KLHL24: variants seen among roughly 807,000 people sequenced by gnomAD.
The protein encoded by KLHL24 is kelch like family member 24.
A neutral mutation model predicts 53.4 loss-of-function variants in KLHL24; 29 were observed. The ratio of observed to expected loss-of-function variants is 0.54; its 90% CI spans 0.40 to 0.74. The LOEUF (loss-of-function observed/expected upper bound fraction) is 0.74. Among genes scored for constraint, KLHL24 ranks in the 30% least tolerant of loss-of-function variants. The probability of loss-of-function intolerance (pLI) is 0.00; values close to 1 mark genes in which losing one functional copy is unlikely to be tolerated. For synonymous variants in KLHL24, 222 were observed against 253.7 expected (o/e 0.88, Z 1.19); for missense variants, 504 against 744.0 (o/e 0.68, Z 3.75).
At chr3:183,642,424 A>G (rs1716575876) in intron 1 of KLHL24, among the ~76,000 whole-genome samples, 1 of 152,102 alleles carries the variant, frequency 6.6e-6, no homozygotes, top group Admixed American at 6.6e-5. Flanking sequence ...AAGGTCGTTT[A>G]TATTTGGTTT....
chr3:183,636,987 G>T (rs552055557), intron 1 of KLHL24, among the ~76,000 whole-genome samples: 4 of 152,152 alleles, frequency 2.6e-5, no homozygotes, highest in Non-Finnish European at 5.9e-5. Context: ...AACTAGTGTC[G>T]CGTTATCTGC....
intron 5 of KLHL24, among the ~76,000 whole-genome samples, chr3:183,670,293 G>A (rs1355115873): frequency 1.3e-5 from 2 of 152,088 alleles, no homozygotes; most frequent in African/African-American, 2.4e-5. Context: ...AGAGAGAAAC[G>A]TGGATGTTAA....
intron 3 of KLHL24, among the ~76,000 whole-genome samples, chr3:183,655,369 GTAA>G (rs1401326626): frequency 1.3e-5 from 2 of 152,196 alleles, no homozygotes; most frequent in Non-Finnish European, 2.9e-5. Context: ...GCTCACACCT[GTAA>G]TCAAGCACTT....
In KLHL24 at chr3:183,650,028, G is replaced by A. The variant is rs183634391; in HGVS notation, c.-61-268G>A. Among the ~76,000 whole-genome samples, 6 of 152,260 alleles carry A rather than the reference G, an allele frequency of 3.9e-5. No individual in the cohort carries two copies. Among genetic ancestry groups the A allele is most frequent in the Non-Finnish European group, 7.4e-5 (5 of 68,022 alleles). ...TCAGCTCTGTAAATGGGGAGGAAAC[G>A]GAAGGTTATTAGTAACTCACGAAGT... On this transcript the variant is annotated intron_variant, in intron 2 of 7. Transcript: ENST00000242810. This position sits in a 1 kb window ranked among gnomAD's most constrained non-coding sequence, Gnocchi z 4.5.
In KLHL24 at chr3:183,661,760, C is replaced by A. The variant is rs73884590; in HGVS notation, c.921-1698C>A. ...AGTTTAAGCAAAGGGAAAGTATAAA[C>A]CAAGTAATGTACAATAAGGAAAGGA... is the stretch of plus-strand genomic sequence containing the variant. On this transcript the variant is annotated intron_variant, in intron 3 of 7. Transcript: ENST00000242810. Among the ~76,000 whole-genome samples the A allele has an allele frequency of 6.6e-3, 997 of 152,186 alleles. 14 individuals are homozygous for A. Among genetic ancestry groups the A allele is most frequent in the Middle Eastern group, 0.024 (7 of 294 alleles).
intron 3 of KLHL24, among the ~76,000 whole-genome samples, chr3:183,662,588 CT>C (rs1478946507): frequency 6.6e-6 from 1 of 152,030 alleles, no homozygotes; most frequent in African/African-American, 2.4e-5. Context: ...TGTGGATAAG[CT>C]TTTGGTTATT....
intron 2 of KLHL24, among the ~76,000 whole-genome samples, chr3:183,647,202 C>T (rs1163766686): frequency 6.6e-6 from 1 of 151,550 alleles, no homozygotes; most frequent in African/African-American, 2.4e-5. Context: ...GGGTGGATCA[C>T]GAGGTCATAT....
At chr3:183,640,077 A>G (rs997767574) in intron 1 of KLHL24, among the ~76,000 whole-genome samples, 136 of 151,892 alleles carry the variant, frequency 9.0e-4, no homozygotes, top group African/African-American at 3.2e-3. Context: ...ACTATATCAT[A>G]TATCTATAGG....
chr3:183,656,869 T>G (rs1364182563), intron 3 of KLHL24, among the ~76,000 whole-genome samples: 1 of 145,870 alleles, frequency 6.9e-6, no homozygotes, highest in African/African-American at 2.6e-5. Context: ...GAGACCTGCC[T>G]GGGCAATATA....
At chr3:183,659,696 C>T (rs1719428173) in intron 3 of KLHL24, among the ~76,000 whole-genome samples, 1 of 149,822 alleles carries the variant, frequency 6.7e-6, no homozygotes, top group African/African-American at 2.5e-5. Context: ...CTGCATCATT[C>T]CCTCCCATTA....
rs1272122580 is a variant in KLHL24, at chr3:183,651,154, T to C, written c.798T>C (p.Val266=). Residue 266 remains valine, a synonymous_variant, in exon 3 of 8, where the codon GTT becomes GTC. Coordinates refer to ENST00000242810, the MANE Select transcript of KLHL24 (RefSeq NM_017644.3). Reference sequence around the variant, plus strand: ...CTCTGTTGCATCCCAACTACTTTGTTCAAACAGTTGAAGTGGACCAATTGA... The same window carrying C: ...CTCTGTTGCATCCCAACTACTTTGTCCAAACAGTTGAAGTGGACCAATTGA... ...RLPLLHPNYF[V]QTVEVDQLIQ... 2 of 1,614,158 alleles carry C rather than the reference T, an allele frequency of 1.2e-6. No homozygotes were observed. The highest frequency in any genetic ancestry group is 1.7e-6 in the Non-Finnish European group (2 of 1,180,014).
rs559158148 is a variant in KLHL24, at chr3:183,663,830, C to A, written c.1105+188C>A. Reference sequence around the variant, plus strand: ...GTACAAGGCCAGGCGCGGTGGCTCACGCCTGTAATCCCAGCACTTTGGGAG... The same window carrying A: ...GTACAAGGCCAGGCGCGGTGGCTCAAGCCTGTAATCCCAGCACTTTGGGAG... On this transcript the variant is annotated intron_variant, in intron 4 of 7. Coordinates refer to ENST00000242810, the MANE Select transcript of KLHL24 (RefSeq NM_017644.3). This position sits in a 1 kb window ranked among gnomAD's most constrained non-coding sequence, Gnocchi z 4.9. 6.6e-6 allele frequency among the ~76,000 whole-genome samples: 1 copy of A among 152,222 alleles called. No homozygotes were observed. The highest frequency in any genetic ancestry group is 2.1e-4 in the South Asian group (1 of 4,822).
At chr3:183,668,903 G>A (rs1048333302) in intron 5 of KLHL24, among the ~76,000 whole-genome samples, 13 of 151,660 alleles carry the variant, frequency 8.6e-5, no homozygotes, top group Non-Finnish European at 1.6e-4. Context: ...TCAAAAAAAA[G>A]AAAAGGAAAA....
chr3:183,665,871 A>C (rs1051815467), intron 5 of KLHL24, among the ~76,000 whole-genome samples: 1 of 151,230 alleles, frequency 6.6e-6, no homozygotes, highest in Non-Finnish European at 1.5e-5. Flanking sequence ...GTCTGTAGGA[A>C]CCTGAGAATC....
At chr3:183,657,570 C>A (rs917795462) in intron 3 of KLHL24, among the ~76,000 whole-genome samples, 1 of 152,196 alleles carries the variant, frequency 6.6e-6, no homozygotes, top group African/African-American at 2.4e-5. Flanking sequence ...TTTAATAAAT[C>A]CCTTCATTCC....
At chr3:183,671,476 A>G (rs1427043679) in intron 6 of KLHL24, among the ~76,000 whole-genome samples, 4 of 152,214 alleles carry the variant, frequency 2.6e-5, no homozygotes, top group Non-Finnish European at 5.9e-5. Flanking sequence ...TTTCTACTAA[A>G]TAAATTGTTC....
At position 183,647,580 on chromosome 3, in the gene KLHL24, G is replaced by A. The variant is rs542334539; in HGVS notation, c.-61-2716G>A. Among the ~76,000 whole-genome samples, 12 of 152,114 alleles carry A rather than the reference G, an allele frequency of 7.9e-5. No individual in the cohort carries two copies. The South Asian group carries it at 8.3e-4, about 11-fold the overall frequency. ...CAAAAAATTATCCAGGCGTGCTGGC[G>A]CGTGCCTGTAGTCCCAGCTACTTGG... On this transcript the variant is annotated intron_variant, in intron 2 of 7. Transcript: ENST00000242810.
intron 3 of KLHL24, 93 bp downstream of exon 3, chr3:183,651,369 C>T (rs569519253): frequency 5.1e-6 from 4 of 784,238 alleles, no homozygotes; most frequent in Non-Finnish European, 8.1e-6. Flanking sequence ...TTTATATGCA[C>T]TGTCTACCTG....
At position 183,635,750 on chromosome 3, in the gene KLHL24, AC is replaced by A. The variant is rs1215426418; in HGVS notation, c.-166del. On this transcript the variant is annotated 5_prime_UTR_variant, in exon 1 of 8. Coordinates refer to ENST00000242810, the MANE Select transcript of KLHL24 (RefSeq NM_017644.3). ...CTGCTTCCAGTGTTCGCCGAGAGGT[AC>A]CGGGGGTGACAGCTCCGGGACCGGC... 6.6e-6 allele frequency: 1 copy of A among 152,342 alleles called. No individual in the cohort carries two copies. The highest frequency in any genetic ancestry group is 2.4e-5 in the African/African-American group (1 of 41,372). 9.4% of individuals were successfully genotyped at this position (152,342 alleles called of 1,614,324 possible).
Sources: allele counts gnomAD v4.1 joint callset (sites outside exome capture counted in the v4.1 genomes callset), GRCh38; gene constraint gnomAD v4.1.1; non-coding constraint Gnocchi (gnomAD v3.1); transcripts MANE v1.5; gene names NCBI Gene and HGNC (gene_info 2026-07-23, HGNC 2026-07-21).